ARHGEF18: variants seen among roughly 807,000 people sequenced by gnomAD.
The protein encoded by ARHGEF18 is rho guanine nucleotide exchange factor 18.
In ARHGEF18, 93 loss-of-function variants were observed where a neutral mutation model predicts 155.7. That is an observed-to-expected ratio of 0.60 (90% CI 0.50 to 0.71). ARHGEF18 has a LOEUF of 0.71. Ranked by LOEUF, ARHGEF18 falls within the 30% of genes least tolerant of loss-of-function variation. The probability of loss-of-function intolerance (pLI) is 0.00; values close to 1 mark genes in which losing one functional copy is unlikely to be tolerated. For synonymous variants in ARHGEF18, 742 were observed against 753.1 expected (o/e 0.99, Z 0.24); for missense variants, 1,593 against 1,816.1 (o/e 0.88, Z 2.23).
At chr19:7,358,215 T>TTCTATCCATCCA (rs1969395514) in intron 1 of ARHGEF18, among the ~76,000 whole-genome samples, 1 of 142,730 alleles carries the variant, frequency 7.0e-6, no homozygotes, top group South Asian at 2.3e-4. Flanking sequence ...CCATCCATCC[T>TTCTATCCATCCA]TCCATCCATC....
intron 2 of ARHGEF18, among the ~76,000 whole-genome samples, chr19:7,363,760 T>C (rs1969739936): frequency 1.4e-5 from 2 of 143,574 alleles, no homozygotes; most frequent in South Asian, 4.4e-4. Flanking sequence ...GCTAGATTGA[T>C]GAAAGGAAGG....
chr19:7,416,571 G>C (rs1233460524), intron 10 of ARHGEF18, among the ~76,000 whole-genome samples: 1 of 145,466 alleles, frequency 6.9e-6, no homozygotes, highest in African/African-American at 2.7e-5. Context: ...GTGTGTGTGT[G>C]TGTGTGTTTT....
At chr19:7,355,529 C>G in intron 1 of ARHGEF18, 4 of 765,704 alleles carry the variant, frequency 5.2e-6, no homozygotes, top group Non-Finnish European at 6.4e-6. Flanking sequence ...ATCTGGCAGA[C>G]CTTGGAGGCA....
At chr19:7,369,476 A>G (rs1323348151) in intron 2 of ARHGEF18, among the ~76,000 whole-genome samples, 1 of 151,186 alleles carries the variant, frequency 6.6e-6, no homozygotes, top group Non-Finnish European at 1.5e-5. Flanking sequence ...AAAAAAAGAA[A>G]AAAAAAAGGA....
At chr19:7,426,489 A>AAAC (rs904964407) in intron 10 of ARHGEF18, among the ~76,000 whole-genome samples, 2 of 150,498 alleles carry the variant, frequency 1.3e-5, no homozygotes, top group African/African-American at 2.4e-5. Flanking sequence ...TCTGTCTCAA[A>AAAC]AAAAAAAAAA....
intron 10 of ARHGEF18, among the ~76,000 whole-genome samples, chr19:7,404,747 GCTCT>G (rs1972209989): frequency 1.3e-5 from 2 of 152,096 alleles, no homozygotes; most frequent in Non-Finnish European, 2.9e-5. Context: ...CATGAGGATA[GCTCT>G]CTATTGGTCT....
In ARHGEF18 at chr19:7,470,271, C is replaced by T. The variant is rs1976947481; in HGVS notation, c.4059C>T (p.Ala1353=). Residue 1353 remains alanine (A), a synonymous_variant, in exon 29 of 29, where the codon GCC becomes GCT. Coordinates refer to ENST00000668164, the MANE Select transcript of ARHGEF18 (RefSeq NM_001367823.1). The surrounding 1 kb of genome is among the most constrained non-coding windows in gnomAD (Gnocchi z 5.9). ...CACCACTCAGCGCCAAGGAGGACGC[C>T]AGCAAAGAAGACGTCATCTTCTTCT... ...PATPLSAKED[A]SKEDVIFF 2 of 1,555,880 alleles carry T rather than the reference C, an allele frequency of 1.3e-6. No homozygotes were observed. The highest frequency in any genetic ancestry group is 2.8e-5 in the African/African-American group (2 of 71,748).
chr19:7,381,077 C>T lies in ARHGEF18; in HGVS notation c.722+83C>T, dbSNP rs148130521. ...AGATGGTCCTTTGGGCCAGACCCCC[C>T]ATGCTGGGGGCAGGAGCTGGAGCCC... On this transcript the variant is annotated intron_variant, in intron 8 of 28. Transcript: ENST00000668164. 565 of 1,086,796 alleles carry T rather than the reference C, an allele frequency of 5.2e-4. 3 individuals carry two copies. In the African/African-American group the frequency reaches 8.2e-3, roughly 16 times the overall value. 67.3% of individuals were successfully genotyped at this position (1,086,796 alleles called of 1,614,324 possible).
downstream of ARHGEF18, among the ~76,000 whole-genome samples, chr19:7,475,398 G>T (rs1329765051): frequency 6.6e-6 from 1 of 152,198 alleles, no homozygotes; most frequent in Non-Finnish European, 1.5e-5. Flanking sequence ...TCTCTCTGGG[G>T]TGATGGAATG....
At chr19:7,416,547 G>GTGTT (rs1973023059) in intron 10 of ARHGEF18, among the ~76,000 whole-genome samples, 2 of 140,234 alleles carry the variant, frequency 1.4e-5, no homozygotes, top group African/African-American at 3.1e-5. Flanking sequence ...GTGTGTGTGT[G>GTGTT]TGTGTGTGTG....
chr19:7,419,681 A>C (rs1057133243), intron 10 of ARHGEF18, among the ~76,000 whole-genome samples: 1 of 151,946 alleles, frequency 6.6e-6, no homozygotes, highest in Non-Finnish European at 1.5e-5. Context: ...GGATTCTCCC[A>C]CACACTCCAG....
intron 13 of ARHGEF18, among the ~76,000 whole-genome samples, chr19:7,443,213 C>T (rs12982630): frequency 3.3e-5 from 5 of 151,944 alleles, no homozygotes; most frequent in East Asian, 1.9e-4. Context: ...CCCACTGCCA[C>T]GCCCAGCTAA....
chr19:7,360,404 G>A (rs7255183), intron 1 of ARHGEF18, among the ~76,000 whole-genome samples: 133,066 of 151,998 alleles, frequency 0.88, 59,233 homozygotes, highest in Non-Finnish European at 0.96. Context: ...CCCAGCTAAT[G>A]TTTGTATTTT....
At chr19:7,437,066 C>T in intron 10 of ARHGEF18, among the ~76,000 whole-genome samples, 1 of 152,166 alleles carries the variant, frequency 6.6e-6, no homozygotes. Context: ...CTTGACTCCT[C>T]TGCCAGAAAA....
intron 2 of ARHGEF18, among the ~76,000 whole-genome samples, chr19:7,372,326 G>A (rs944712056): frequency 3.3e-5 from 5 of 152,142 alleles, no homozygotes; most frequent in Non-Finnish European, 5.9e-5. Context: ...GGATGGGCCG[G>A]GTGGGAGAGG....
chr19:7,410,000 G>A (rs1266939506), intron 10 of ARHGEF18, among the ~76,000 whole-genome samples: 1 of 148,094 alleles, frequency 6.8e-6, no homozygotes, highest in Non-Finnish European at 1.5e-5. Context: ...ATGTTGGCCA[G>A]GTTGGTCTTG....
intron 3 of ARHGEF18, 132 bp from the exon 4 acceptor site, chr19:7,375,588 C>G: frequency 2.2e-6 from 2 of 916,924 alleles, no homozygotes; most frequent in Non-Finnish European, 2.9e-6. Flanking sequence ...GGACCCCTTT[C>G]TGTGGCTTGC....
chr19:7,446,768 C>T (rs1326341238), intron 14 of ARHGEF18, among the ~76,000 whole-genome samples: 5 of 151,708 alleles, frequency 3.3e-5, no homozygotes, highest in African/African-American at 1.2e-4. Flanking sequence ...GTGGTGGCGG[C>T]ACCTGTAATC....
chr19:7,392,835 C>T (rs1251075088), intron 10 of ARHGEF18: 1 of 151,846 alleles, frequency 6.6e-6, no homozygotes, highest in East Asian at 1.9e-4. Flanking sequence ...GGGCAGATCA[C>T]TTGAGCTCAG....
Sources: allele counts gnomAD v4.1 joint callset (sites outside exome capture counted in the v4.1 genomes callset), GRCh38; gene constraint gnomAD v4.1.1; non-coding constraint Gnocchi (gnomAD v3.1); transcripts MANE v1.5; gene names NCBI Gene and HGNC (gene_info 2026-07-23, HGNC 2026-07-21).